The following GSG1L variants were observed in gnomAD, a reference collection of about 807,000 sequenced individuals.
The protein encoded by GSG1L is germ cell-specific gene 1-like protein.
In GSG1L, 24 loss-of-function variants were observed where a neutral mutation model predicts 42.1. That is an observed-to-expected ratio of 0.57 (90% CI 0.41 to 0.80). The LOEUF is 0.80. GSG1L is among the 30% of genes least tolerant of loss of function. The pLI, the probability that GSG1L is intolerant of heterozygous loss-of-function variation, is 0.00. For synonymous variants in GSG1L, 215 were observed against 203.5 expected (o/e 1.06, Z -0.48); for missense variants, 445 against 472.2 (o/e 0.94, Z 0.53).
intron 2 of GSG1L, among the ~76,000 whole-genome samples, chr16:27,947,497 G>C (rs2084890730): frequency 6.9e-6 from 1 of 144,376 alleles, no homozygotes; most frequent in South Asian, 2.2e-4. Flanking sequence ...AAGAAAGAAA[G>C]AGAAAGAAAG....
chr16:28,020,114 C>T (rs554804289), intron 1 of GSG1L, among the ~76,000 whole-genome samples: 117 of 152,290 alleles, frequency 7.7e-4, no homozygotes, highest in African/African-American at 2.5e-3. Flanking sequence ...ATTGATGTGG[C>T]GAGTGATTGA....
At chr16:27,961,693 A>T (rs930009820) in intron 2 of GSG1L, among the ~76,000 whole-genome samples, 1 of 152,200 alleles carries the variant, frequency 6.6e-6, no homozygotes, top group African/African-American at 2.4e-5. Context: ...TTTCCCAGTG[A>T]TCTCAATTTG....
rs537354214 is a variant in GSG1L at position 27,791,554 on chromosome 16, T to C, written c.899-87A>G. 1.5e-5 allele frequency: 12 copies of C among 790,456 alleles called. No individual in the cohort carries two copies. In the African/African-American group the frequency reaches 2.2e-4, roughly 14 times the overall value. 49.0% of individuals were successfully genotyped at this position (790,456 alleles called of 1,614,324 possible). A position where few individuals can be genotyped will look rare whatever the true frequency, so the allele number is the denominator to read the frequency against. The stretch of plus-strand genomic sequence containing the variant: ...CCACCGCCCCCCACCCACACATCCA[T>C]CACTCACCCTCATTTACTAGGCCTT... On this transcript the variant is annotated intron_variant, in intron 6 of 6. Coordinates refer to ENST00000447459, the MANE Select transcript of GSG1L (RefSeq NM_001109763.2).
intron 2 of GSG1L, among the ~76,000 whole-genome samples, chr16:27,889,075 C>T (rs1206826579): frequency 6.6e-6 from 1 of 152,104 alleles, no homozygotes; most frequent in Non-Finnish European, 1.5e-5. Context: ...CCACTAACTC[C>T]TGGGCTCAGG....
chr16:28,054,446 T>C (rs899645765), intron 1 of GSG1L, among the ~76,000 whole-genome samples: 1 of 152,018 alleles, frequency 6.6e-6, no homozygotes, highest in Non-Finnish European at 1.5e-5. Context: ...CTGGCCAACA[T>C]GGTGAAACTC....
chr16:27,895,668 T>G (rs1002555616), intron 2 of GSG1L, among the ~76,000 whole-genome samples: 1 of 152,202 alleles, frequency 6.6e-6, no homozygotes, highest in Non-Finnish European at 1.5e-5. Flanking sequence ...TTCCCGAAAG[T>G]TCTCTTGTCC....
At chr16:27,881,360 G>A (rs530051624) in intron 3 of GSG1L, among the ~76,000 whole-genome samples, 2 of 149,586 alleles carry the variant, frequency 1.3e-5, no homozygotes, top group African/African-American at 2.5e-5. Context: ...TCCTGCCTCA[G>A]CCTCCTAAGT....
chr16:27,808,805 T>C (rs1318514258), intron 5 of GSG1L, among the ~76,000 whole-genome samples: 4 of 152,208 alleles, frequency 2.6e-5, no homozygotes, highest in African/African-American at 9.6e-5. Context: ...TCCTCCATCA[T>C]CTCAGGGTTG....
intron 1 of GSG1L, among the ~76,000 whole-genome samples, chr16:27,979,733 A>AAGG (rs1555512114): frequency 4.1e-4 from 27 of 65,316 alleles, no homozygotes; most frequent in African/African-American, 7.4e-4. Flanking sequence ...GAAGGAAAGA[A>AAGG]AAAGAAAGAA....
intron 1 of GSG1L, among the ~76,000 whole-genome samples, chr16:28,054,825 T>TA (rs890570056): frequency 6.8e-4 from 102 of 150,590 alleles, no homozygotes; most frequent in African/African-American, 2.2e-3. Flanking sequence ...CAGATGTCTT[T>TA]AAAAAAAAAT....
intron 5 of GSG1L, among the ~76,000 whole-genome samples, chr16:27,818,310 C>T (rs533278141): frequency 2.6e-5 from 4 of 152,262 alleles, no homozygotes; most frequent in African/African-American, 9.6e-5. Flanking sequence ...TCAGATGTTC[C>T]TCCCACCATC....
At position 27,969,226 on chromosome 16, in the gene GSG1L, C is replaced by T. The variant is rs1451422851; in HGVS notation, c.350-6023G>A. On this transcript the variant is annotated intron_variant, in intron 1 of 6. Coordinates refer to ENST00000447459, the MANE Select transcript of GSG1L (RefSeq NM_001109763.2). ...ACCATCACCACAATCAATTTTAAAA[C>T]GTTTTCATCACACTGAAAAGAAAGC... is the stretch of plus-strand genomic sequence containing the variant. Among the ~76,000 whole-genome samples, 9 of 152,322 alleles carry T rather than the reference C, an allele frequency of 5.9e-5. No homozygotes were observed. The South Asian group carries it at 6.2e-4, about 11-fold the overall frequency.
intron 5 of GSG1L, among the ~76,000 whole-genome samples, chr16:27,822,786 T>G (rs1862455): frequency 0.25 from 38,202 of 151,992 alleles, 5,110 homozygotes; most frequent in South Asian, 0.4. Context: ...GACAGAGTGG[T>G]AACCAGGAAA....
intron 3 of GSG1L, among the ~76,000 whole-genome samples, chr16:27,858,234 C>T (rs1470143245): frequency 6.6e-6 from 1 of 152,180 alleles, no homozygotes; most frequent in African/African-American, 2.4e-5. Flanking sequence ...CCTTGACAAC[C>T]GTCCAGAGAG....
chr16:27,950,065 T>C (rs1467131845), intron 2 of GSG1L, among the ~76,000 whole-genome samples: 1 of 152,190 alleles, frequency 6.6e-6, no homozygotes, highest in East Asian at 1.9e-4. Context: ...TTTAACCCTA[T>C]CTGTGAATCC....
At position 28,009,308 on chromosome 16, in the gene GSG1L, T is replaced by C. The variant is rs542351069; in HGVS notation, c.350-46105A>G. On this transcript the variant is annotated intron_variant, in intron 1 of 6. Coordinates refer to ENST00000447459, the MANE Select transcript of GSG1L (RefSeq NM_001109763.2). Reference sequence around the variant, plus strand: ...TGCTTGCTCTGTCACCCCAGATACCTTTGGAGCTTGTGCCCTCAAAGTGGC... The same window carrying C: ...TGCTTGCTCTGTCACCCCAGATACCCTTGGAGCTTGTGCCCTCAAAGTGGC... 2.0e-5 allele frequency among the ~76,000 whole-genome samples: 3 copies of C among 152,244 alleles called. No homozygotes were observed. In the East Asian group the frequency reaches 5.8e-4, roughly 29 times the overall value.
chr16:27,912,262 C>T (rs1189419872), intron 2 of GSG1L, among the ~76,000 whole-genome samples: 1 of 152,194 alleles, frequency 6.6e-6, no homozygotes, highest in Non-Finnish European at 1.5e-5. Flanking sequence ...GCCTATAATC[C>T]TAGCACTTCA....
chr16:27,959,607 A>G (rs1029992728), intron 2 of GSG1L, among the ~76,000 whole-genome samples: 3 of 151,838 alleles, frequency 2.0e-5, no homozygotes, highest in African/African-American at 7.3e-5. Context: ...AGGAAGAAAG[A>G]AAGAAAAAAT....
At chr16:27,973,848 G>A (rs1040719292) in intron 1 of GSG1L, among the ~76,000 whole-genome samples, 9 of 152,158 alleles carry the variant, frequency 5.9e-5, no homozygotes, top group African/African-American at 2.2e-4. Context: ...AACTCAGTGG[G>A]CGGCAGTCCA....
Sources: allele counts gnomAD v4.1 joint callset (sites outside exome capture counted in the v4.1 genomes callset), GRCh38; gene constraint gnomAD v4.1.1; transcripts MANE v1.5; gene names NCBI Gene and HGNC (gene_info 2026-07-23, HGNC 2026-07-21).